Variants in DIP2C observed in about 807,000 individuals in gnomAD.
The protein encoded by DIP2C is DIP2 acetate--CoA ligase C (putative), also known as disco-interacting protein 2 homolog C.
A neutral mutation model predicts 192.4 loss-of-function variants in DIP2C; 33 were observed. The ratio of observed to expected loss-of-function variants is 0.17; its 90% confidence interval spans 0.13 to 0.23. DIP2C has a LOEUF of 0.23. DIP2C is among the 10% of genes least tolerant of loss of function. The pLI, the probability that DIP2C is intolerant of heterozygous loss-of-function variation, is 1.00. For synonymous variants in DIP2C, 979 were observed against 864.1 expected, an observed-to-expected ratio of 1.13 and a Z score of -2.33; for missense variants, 1,537 against 2,110.1, an observed-to-expected ratio of 0.73 and a Z score of 5.32.
At chr10:580,355 T>A (rs1372602964) in intron 1 of DIP2C, among the ~76,000 whole-genome samples, 1 of 152,188 alleles carries the variant, frequency 6.6e-6, no homozygotes, top group East Asian at 1.9e-4. Context: ...ACATGCATGC[T>A]TACAGTGTGC....
chr10:616,938 C>T (rs569566587), intron 1 of DIP2C, among the ~76,000 whole-genome samples: 1 of 152,322 alleles, frequency 6.6e-6, no homozygotes, highest in African/African-American at 2.4e-5. Context: ...GGGCAAATTC[C>T]ATGGACCACC....
At chr10:344,785 A>AC in intron 28 of DIP2C, 24 bp downstream of exon 28, 2 of 1,561,016 alleles carry the variant, frequency 1.3e-6, no homozygotes, top group Non-Finnish European at 1.7e-6. Context: ...CTCCATGGCC[A>AC]CCGCCCGCAG....
intron 1 of DIP2C, among the ~76,000 whole-genome samples, chr10:635,478 G>T (rs1450247952): frequency 1.3e-5 from 2 of 152,266 alleles, no homozygotes; most frequent in Non-Finnish European, 2.9e-5. Flanking sequence ...GGGCCAGCAG[G>T]GGCGAGGCCG....
At chr10:634,768 GAAA>G (rs1238064960) in intron 1 of DIP2C, among the ~76,000 whole-genome samples, 1 of 150,438 alleles carries the variant, frequency 6.6e-6, no homozygotes, top group Non-Finnish European at 1.5e-5. Context: ...AAAAAAAAAA[GAAA>G]AAGAAAAAGA....
chr10:398,969 G>T (rs1424233204), intron 10 of DIP2C, 140 bp downstream of exon 10: 1 of 677,102 alleles, frequency 1.5e-6, no homozygotes, highest in Non-Finnish European at 2.5e-6. Flanking sequence ...GGGCCCACTA[G>T]CGACCGCATC....
At chr10:514,743 G>A (rs1846242533) in intron 1 of DIP2C, among the ~76,000 whole-genome samples, 1 of 152,082 alleles carries the variant, frequency 6.6e-6, no homozygotes, top group African/African-American at 2.4e-5. Context: ...CGGCTTGGAG[G>A]ATGCCCGTAT....
intron 1 of DIP2C, among the ~76,000 whole-genome samples, chr10:536,582 TA>T (rs779542997): frequency 2.0e-5 from 3 of 152,192 alleles, no homozygotes; most frequent in Admixed American, 6.5e-5. Context: ...GACTGGGACA[TA>T]AGTTTGGGAG....
intron 31 of DIP2C, among the ~76,000 whole-genome samples, chr10:316,368 T>C (rs1008916629): frequency 6.6e-6 from 1 of 152,246 alleles, no homozygotes; most frequent in Non-Finnish European, 1.5e-5. Context: ...ATGTCTTCTA[T>C]GCTTCACGGC....
chr10:481,234 C>G (rs61839509), intron 2 of DIP2C, among the ~76,000 whole-genome samples: 8 of 152,176 alleles, frequency 5.3e-5, no homozygotes, highest in Admixed American at 6.5e-5. Context: ...CAGCCAGCCA[C>G]GTCTTCTAAA....
chr10:553,803 G>C (rs1024816302), intron 1 of DIP2C, among the ~76,000 whole-genome samples: 7 of 151,916 alleles, frequency 4.6e-5, no homozygotes, highest in African/African-American at 1.7e-4. Flanking sequence ...GCTTGTAACT[G>C]TAAGAGTGGC....
intron 3 of DIP2C, among the ~76,000 whole-genome samples, chr10:456,692 T>G (rs941033769): frequency 1.3e-5 from 2 of 152,214 alleles, no homozygotes; most frequent in Admixed American, 1.3e-4. Flanking sequence ...GGCCACCGTT[T>G]GTCTCCACTA....
Position 544,407 on chromosome 10 carries a change from G to A in DIP2C, c.86-57877C>T, listed in dbSNP as rs111961157. ...TGCTGCTATGAAGATTCTTGCATAA[G>A]ATTTTTTTGTAAAAACGTTTTCAGT... On this transcript the variant is annotated intron_variant, in intron 1 of 36. Transcript: ENST00000280886. Among the ~76,000 whole-genome samples the A allele has an allele frequency of 5.5e-3, 836 of 152,324 alleles. 8 individuals are homozygous for A. The highest frequency in any genetic ancestry group is 0.019 in the African/African-American group (794 of 41,580).
chr10:372,310 A>G (rs554746819), intron 17 of DIP2C, among the ~76,000 whole-genome samples: 1 of 152,304 alleles, frequency 6.6e-6, no homozygotes, highest in South Asian at 2.1e-4. Flanking sequence ...CCTGACCTCG[A>G]GTGATCTGCC....
intron 1 of DIP2C, among the ~76,000 whole-genome samples, chr10:488,369 TC>T (rs1335367489): frequency 1.3e-5 from 2 of 152,150 alleles, no homozygotes; most frequent in African/African-American, 4.8e-5. Context: ...TGCTGGCCCA[TC>T]CCCAAAGATG....
intron 1 of DIP2C, among the ~76,000 whole-genome samples, chr10:679,705 G>GCA (rs1266166351): frequency 1.7e-3 from 229 of 133,446 alleles, no homozygotes; most frequent in Middle Eastern, 5.3e-3. Context: ...TGCTCCCCAT[G>GCA]CCCATGCTCC....
At chr10:576,564 C>G (rs1850174249) in intron 1 of DIP2C, among the ~76,000 whole-genome samples, 1 of 152,172 alleles carries the variant, frequency 6.6e-6, no homozygotes, top group Non-Finnish European at 1.5e-5. Context: ...GCTTTCTACT[C>G]CAATTTAATA....
intron 31 of DIP2C, among the ~76,000 whole-genome samples, chr10:312,654 G>C (rs1479849507): frequency 1.3e-5 from 2 of 152,160 alleles, no homozygotes; most frequent in African/African-American, 4.8e-5. Flanking sequence ...ACTCTTCTCT[G>C]TTACTTCTCT....
chr10:373,227 T>G (rs1961201465), intron 17 of DIP2C, among the ~76,000 whole-genome samples: 1 of 152,150 alleles, frequency 6.6e-6, no homozygotes, highest in Non-Finnish European at 1.5e-5. Context: ...TATAAAAACT[T>G]AGAAGCAAAC....
intron 17 of DIP2C, among the ~76,000 whole-genome samples, chr10:372,704 C>CGGCT (rs1220453425): frequency 1.2e-3 from 187 of 151,868 alleles, no homozygotes; most frequent in Middle Eastern, 6.8e-3. Flanking sequence ...CACAGCCAGG[C>CGGCT]ACAGAAGCGC....
Sources: allele counts gnomAD v4.1 joint callset (sites outside exome capture counted in the v4.1 genomes callset), GRCh38; gene constraint gnomAD v4.1.1; transcripts MANE v1.5; gene names NCBI Gene and HGNC (gene_info 2026-07-23, HGNC 2026-07-21).